Variants in HGSNAT observed in about 807,000 individuals in gnomAD.
HGSNAT encodes transmembrane protein 76.
In HGSNAT, 59 loss-of-function variants were observed where a neutral mutation model predicts 85.2. The observed-to-expected ratio is 0.69, with a 90% CI of 0.56 to 0.86. The LOEUF (loss-of-function observed/expected upper bound fraction) is 0.86, where lower values mean the gene tolerates loss of function less well. HGSNAT is among the 40% of genes least tolerant of loss of function. HGSNAT has a pLI of 0.00. For synonymous variants in HGSNAT, 321 were observed against 304.5 expected (o/e 1.05, Z -0.56); for missense variants, 756 against 777.1 (o/e 0.97, Z 0.32).
intron 6 of HGSNAT, among the ~76,000 whole-genome samples, chr8:43,169,895 G>A (rs1017747611): frequency 7.2e-5 from 11 of 151,916 alleles, no homozygotes; most frequent in South Asian, 6.2e-4. Flanking sequence ...GTCTCAACTC[G>A]CTGCAGCCTC....
intron 1 of HGSNAT, among the ~76,000 whole-genome samples, 181 bp from the exon 2 acceptor site, chr8:43,146,767 G>A (rs1802728012): frequency 6.6e-6 from 1 of 151,906 alleles, no homozygotes; most frequent in Non-Finnish European, 1.5e-5. Context: ...GCACATGCAT[G>A]CATGCACGCA....
rs549675339 is a variant in HGSNAT at position 43,200,490 on chromosome 8, C to T, written c.*921C>T. The T allele has an allele frequency of 3.2e-4, 48 of 152,356 alleles. No individual in the cohort carries two copies. The highest frequency in any genetic ancestry group is 1.1e-3 in the African/African-American group (46 of 41,584). The allele number at this position is 152,356 out of a possible 1,614,324, so 9.4% of individuals were successfully genotyped here. Reference sequence around the variant, plus strand: ...ACATCAAAAGCTTTTCTGAAATCTTCAGAAGAAATAGTTCCATTACAGAAA... The same window carrying T: ...ACATCAAAAGCTTTTCTGAAATCTTTAGAAGAAATAGTTCCATTACAGAAA... On this transcript the variant is annotated 3_prime_UTR_variant, in exon 18 of 18. Transcript: ENST00000379644.
chr8:43,172,508 C>A, intron 8 of HGSNAT, 122 bp downstream of exon 8: 1 of 684,422 alleles, frequency 1.5e-6, no homozygotes, highest in South Asian at 1.8e-5. Context: ...CTCCTCTGAG[C>A]CACTGAGCTC....
intron 2 of HGSNAT, among the ~76,000 whole-genome samples, chr8:43,147,382 C>T (rs1802752594): frequency 6.6e-6 from 1 of 152,148 alleles, no homozygotes; most frequent in African/African-American, 2.4e-5. Context: ...GAGTGAGACA[C>T]CAGGGTATTC....
chr8:43,152,077 G>C (rs1586704582), intron 2 of HGSNAT, among the ~76,000 whole-genome samples: 1 of 152,180 alleles, frequency 6.6e-6, no homozygotes, highest in South Asian at 2.1e-4. Flanking sequence ...TCACTTGAAG[G>C]TTGGGAGTTT....
At chr8:43,165,426 A>G (rs1181827715) in intron 5 of HGSNAT, among the ~76,000 whole-genome samples, 2 of 152,134 alleles carry the variant, frequency 1.3e-5, no homozygotes, top group Admixed American at 1.3e-4. Context: ...AATTAGGCTA[A>G]TTAATTATCC....
At chr8:43,147,405 C>A (rs1244440209) in intron 2 of HGSNAT, among the ~76,000 whole-genome samples, 1 of 152,190 alleles carries the variant, frequency 6.6e-6, no homozygotes, top group Non-Finnish European at 1.5e-5. Context: ...CAGGGGCCAG[C>A]AGAGTGGTGC....
At chr8:43,197,525 T>C (rs1200933721) in intron 15 of HGSNAT, 147 bp from the exon 16 acceptor site, 6 of 636,942 alleles carry the variant, frequency 9.4e-6, no homozygotes, top group South Asian at 6.0e-5. Context: ...TTTAAAAAAA[T>C]ATGTTTCCAT....
chr8:43,182,939 T>G (rs765023607), intron 11 of HGSNAT, among the ~76,000 whole-genome samples: 4 of 152,212 alleles, frequency 2.6e-5, no homozygotes, highest in Non-Finnish European at 4.4e-5. Context: ...CTTAACAAAT[T>G]TGTCAGCAGA....
chr8:43,158,507 A>G, intron 2 of HGSNAT, 68 bp from the exon 3 acceptor site: 3 of 1,544,662 alleles, frequency 1.9e-6, no homozygotes, highest in South Asian at 2.3e-5. Context: ...TTGGATATTT[A>G]TGTCCTCCAG....
intron 1 of HGSNAT, 85 bp from the exon 2 acceptor site, chr8:43,146,863 A>C (rs546375349): frequency 2.7e-6 from 2 of 734,820 alleles, no homozygotes; most frequent in Non-Finnish European, 4.5e-6. Context: ...ACTGGAAGCA[A>C]CTGTTCACAC....
intron 11 of HGSNAT, among the ~76,000 whole-genome samples, chr8:43,189,329 A>C (rs762133418): frequency 3.3e-5 from 5 of 152,156 alleles, no homozygotes; most frequent in Non-Finnish European, 7.3e-5. Context: ...AAGCCTCAGC[A>C]ATGGCGGATG....
chr8:43,183,350 AG>A (rs1804198605), intron 11 of HGSNAT, among the ~76,000 whole-genome samples: 1 of 151,554 alleles, frequency 6.6e-6, no homozygotes, highest in African/African-American at 2.4e-5. Context: ...TATTTATTGT[AG>A]AGACGAGGTT....
In HGSNAT at chr8:43,202,556, C is replaced by G. The variant is rs1804949917; in HGVS notation, c.*2987C>G. ...AGGTGCGAGCTCCTAAGTAATGGAG[C>G]AAAAAAATTCTATTCTGTAGAATGG... On this transcript the variant is annotated 3_prime_UTR_variant, in exon 18 of 18. Coordinates refer to ENST00000379644, the MANE Select transcript of HGSNAT (RefSeq NM_152419.3). 1 of 151,628 alleles carries G rather than the reference C, an allele frequency of 6.6e-6. No homozygotes were observed. The highest frequency in any genetic ancestry group is 2.4e-5 in the African/African-American group (1 of 41,302). The allele number at this position is 151,628 out of a possible 1,614,324, so 9.4% of individuals were successfully genotyped here.
chr8:43,151,723 A>C (rs1382141205), intron 2 of HGSNAT, among the ~76,000 whole-genome samples: 2 of 152,186 alleles, frequency 1.3e-5, no homozygotes, highest in Non-Finnish European at 2.9e-5. Flanking sequence ...ATTCCTATGA[A>C]AAAAATGCAT....
rs570396579 is a variant in HGSNAT at position 43,163,915 on chromosome 8, G to A, written c.563+2408G>A. 2.1e-3 allele frequency among the ~76,000 whole-genome samples: 313 copies of A among 152,300 alleles called. 1 individual carries two copies. The highest frequency in any genetic ancestry group is 2.8e-3 in the Non-Finnish European group (190 of 68,028). ...TCAGAGTTGAGTTGTGAGGGAAAAA[G>A]AGAAATTGCAAATGTATGCCTTGGG... On this transcript the variant is annotated intron_variant, in intron 5 of 17. Transcript: ENST00000379644.
chr8:43,161,564 A>C, intron 5 of HGSNAT, 57 bp downstream of exon 5: 1 of 1,328,364 alleles, frequency 7.5e-7, no homozygotes, highest in Non-Finnish European at 1.0e-6. Context: ...TAACACATTC[A>C]GAAGGGGCAG....
In HGSNAT at chr8:43,199,518, G is replaced by T; in HGVS notation, c.1857G>T (p.Trp619Cys). The change falls in exon 18 of 18, where the codon TGG becomes TGT. Residue 619 changes from tryptophan to cysteine, a missense_variant. By Grantham distance (215) the Trp-to-Cys change is radical. Coordinates refer to ENST00000379644, the MANE Select transcript of HGSNAT (RefSeq NM_152419.3). ...LTQNIVATAL[W>C]VLIAYILYRK... Reference sequence around the variant, plus strand: ...AGAACATCGTCGCCACTGCCCTCTGGGTGCTCATTGCCTACATCCTCTATA... The same window carrying T: ...AGAACATCGTCGCCACTGCCCTCTGTGTGCTCATTGCCTACATCCTCTATA... 1.2e-6 allele frequency: 2 copies of T among 1,606,518 alleles called. No homozygotes were observed. Among genetic ancestry groups the T allele is most frequent in the Non-Finnish European group, 1.7e-6 (2 of 1,176,160 alleles).
intron 5 of HGSNAT, among the ~76,000 whole-genome samples, chr8:43,167,635 A>T (rs1014425978): frequency 6.6e-5 from 10 of 152,142 alleles, no homozygotes; most frequent in Non-Finnish European, 1.3e-4. Context: ...GAGTCACTGT[A>T]TTGTGATATT....
Sources: gnomAD v4.1 joint callset for allele counts (sites outside exome capture counted in the v4.1 genomes callset) on GRCh38, gnomAD v4.1.1 for gene constraint, MANE v1.5 for transcripts, NCBI Gene and HGNC (gene_info 2026-07-23, HGNC 2026-07-21) for gene names.